The following CACNA2D4 variants were observed in gnomAD, a reference collection of about 807,000 sequenced individuals.
CACNA2D4 encodes the protein calcium voltage-gated channel auxiliary subunit alpha2delta 4, also known as voltage-dependent calcium channel subunit alpha-2/delta-4.
In CACNA2D4, 157 loss-of-function variants were observed where a neutral mutation model predicts 163.8. That is an observed-to-expected ratio of 0.96 (90% CI 0.84 to 1.09). The LOEUF is 1.09. Among genes scored for constraint, CACNA2D4 ranks in the 50% least tolerant of loss-of-function variants. The pLI is 0.00. For synonymous variants in CACNA2D4, 598 were observed against 586.9 expected, an observed-to-expected ratio of 1.02 and a Z score of -0.27; for missense variants, 1,410 against 1,479.9, an observed-to-expected ratio of 0.95 and a Z score of 0.78.
At chr12:1,831,241 A>G (rs1243429814) in intron 26 of CACNA2D4, 7 of 1,613,838 alleles carry the variant, frequency 4.3e-6, no homozygotes, top group Non-Finnish European at 5.9e-6. Context: ...CAGCTGCGCA[A>G]TAACAGCATC....
At chr12:1,848,089 T>C (rs1293407935) in intron 23 of CACNA2D4, among the ~76,000 whole-genome samples, 1 of 152,226 alleles carries the variant, frequency 6.6e-6, no homozygotes, top group Non-Finnish European at 1.5e-5. Flanking sequence ...ACCTAAAGTG[T>C]GTGATTCAAT....
chr12:1,847,077 C>G (rs1319115907), intron 23 of CACNA2D4, among the ~76,000 whole-genome samples: 1 of 152,234 alleles, frequency 6.6e-6, no homozygotes, highest in Non-Finnish European at 1.5e-5. Flanking sequence ...CAGGCACCTC[C>G]TGGTCTTACA....
Position 1,799,867 on chromosome 12 carries a change from G to T in CACNA2D4, c.2974+133C>A. 8.0e-7 allele frequency: 1 copy of T among 1,253,638 alleles called. No individual in the cohort carries two copies. The highest frequency in any genetic ancestry group is 1.1e-6 in the Non-Finnish European group (1 of 883,476). 77.7% of individuals were successfully genotyped at this position (1,253,638 alleles called of 1,614,324 possible). Reference sequence around the variant, plus strand: ...GATGTGATGAGAGAAGGCCACGCAGGGTGAGATGTGAACAACGATGCTTCA... The same window carrying T: ...GATGTGATGAGAGAAGGCCACGCAGTGTGAGATGTGAACAACGATGCTTCA... On this transcript the variant is annotated intron_variant, in intron 33 of 37. Coordinates refer to ENST00000382722, the MANE Select transcript of CACNA2D4 (RefSeq NM_172364.5). This position sits in a 1 kb window ranked among gnomAD's most constrained non-coding sequence, Gnocchi z 4.7.
intron 29 of CACNA2D4, among the ~76,000 whole-genome samples, chr12:1,809,887 G>A (rs1350978492): frequency 1.4e-5 from 2 of 145,732 alleles, no homozygotes; most frequent in South Asian, 2.1e-4. Context: ...AAAGGCAGGC[G>A]GGGGTTGGGG....
At chr12:1,831,169 A>G in intron 26 of CACNA2D4, 1 of 1,613,978 alleles carries the variant, frequency 6.2e-7, no homozygotes, top group Non-Finnish European at 8.5e-7. Context: ...GACCTGTCCA[A>G]CAACTTCCTG....
rs540827062 is a variant in CACNA2D4, at chr12:1,904,835, TG to T, written c.781+2604del. 7.9e-5 allele frequency among the ~76,000 whole-genome samples: 12 copies of T among 152,088 alleles called. 1 individual carries two copies. The South Asian group carries it at 2.5e-3, about 31-fold the overall frequency. ...AAGAAGACAGTAATGCAGAAAATGA[TG>T]GACAAAAAAGCTTAAGGCTTATAGA... On this transcript the variant is annotated intron_variant, in intron 6 of 37. Transcript: ENST00000382722.
chr12:1,893,577 G>T (rs1866337244), intron 6 of CACNA2D4, among the ~76,000 whole-genome samples: 1 of 151,858 alleles, frequency 6.6e-6, no homozygotes, highest in African/African-American at 2.4e-5. Context: ...GACTACAATA[G>T]AATAAAACTA....
chr12:1,915,246 G>A (rs1002272085), intron 1 of CACNA2D4: 15 of 702,450 alleles, frequency 2.1e-5, no homozygotes, highest in Admixed American at 8.0e-5. Context: ...CAGGAGACGC[G>A]GAGAACCCTC....
chr12:1,834,893 C>A lies in CACNA2D4; in HGVS notation c.2551+5846G>T. On this transcript the variant is annotated intron_variant, in intron 26 of 37. Transcript: ENST00000382722. This position sits in a 1 kb window ranked among gnomAD's most constrained non-coding sequence, Gnocchi z 7.6. ...TCTCTCCCTGCACTTTCGAGGCTCC[C>A]TGAAAGCCACCGTGCTGGGGGCTCC... 1 of 1,291,002 alleles carries A rather than the reference C, an allele frequency of 7.7e-7. No individual in the cohort carries two copies. The highest frequency in any genetic ancestry group is 1.0e-6 in the Non-Finnish European group (1 of 971,156). The allele number at this position is 1,291,002 out of a possible 1,614,324, so 80.0% of individuals were successfully genotyped here. A position where few individuals can be genotyped will look rare whatever the true frequency, so the allele number is the denominator to read the frequency against.
chr12:1,797,594 G>A (rs1255566237), intron 34 of CACNA2D4, 59 bp from the exon 35 acceptor site: 1 of 1,275,270 alleles, frequency 7.8e-7, no homozygotes, highest in Non-Finnish European at 1.1e-6. Context: ...CGGTGACCTC[G>A]CCTCGGCACT....
chr12:1,908,031 A>G lies in CACNA2D4; in HGVS notation c.493T>C (p.Tyr165His), dbSNP rs1866709972. 6.2e-7 allele frequency: 1 copy of G among 1,612,254 alleles called. No individual in the cohort carries two copies. Among genetic ancestry groups the G allele is most frequent in the Non-Finnish European group, 8.5e-7 (1 of 1,178,604 alleles). Residue 165 changes from tyrosine (Y) to histidine (H), a missense_variant, in exon 5 of 38, where the codon TAT (tyrosine) becomes CAT (histidine). Coordinates refer to ENST00000382722, the MANE Select transcript of CACNA2D4 (RefSeq NM_172364.5). Reference protein sequence around the residue: ...HEFNESLVFDYYNSVLINERD... With the variant: ...HEFNESLVFDHYNSVLINERD... ...TCGTTGATCAGGACCGAGTTGTAAT[A>G]GTCGAACTGGGGTGGACGGGTGAGG...
At chr12:1,894,575 A>G (rs907771767) in intron 6 of CACNA2D4, among the ~76,000 whole-genome samples, 2 of 152,084 alleles carry the variant, frequency 1.3e-5, no homozygotes, top group East Asian at 3.8e-4. Context: ...GGATGCAAGG[A>G]TGGTTCAACA....
intron 6 of CACNA2D4, 59 bp from the exon 7 acceptor site, chr12:1,887,128 G>T: frequency 8.2e-7 from 1 of 1,224,886 alleles, no homozygotes; most frequent in Non-Finnish European, 1.2e-6. Flanking sequence ...AGATCCCCTG[G>T]CTGGGTGTGG....
Position 1,834,631 on chromosome 12 carries a change from G to A in CACNA2D4, c.2551+6108C>T. On this transcript the variant is annotated intron_variant, in intron 26 of 37. Transcript: ENST00000382722. The surrounding 1 kb of genome is among the most constrained non-coding windows in gnomAD (Gnocchi z 7.6). ...GCATCTACGCCTCCCTCATGGCCAA[G>A]TACCACCGGGAGCTCAAAAAGCGCC... 5 of 1,600,282 alleles carry A rather than the reference G, an allele frequency of 3.1e-6. No individual in the cohort carries two copies. The highest frequency in any genetic ancestry group is 3.4e-6 in the Non-Finnish European group (4 of 1,179,886).
In CACNA2D4 at chr12:1,875,280, C is replaced by T. The variant is rs367691073; in HGVS notation, c.1777G>A (p.Glu593Lys). The T allele has an allele frequency of 2.5e-5, 40 of 1,611,952 alleles. No homozygotes were observed. Among genetic ancestry groups the T allele is most frequent in the African/African-American group, 6.7e-5 (5 of 74,506 alleles). The stretch of plus-strand genomic sequence containing the variant: ...TCAGCCTGGTCTTCCCACTCCACTT[C>T]GGAGAGATCCACACTGTTGTAGTTA... ...KPNYNSVDLSEVEWEDQAESL... is the reference protein window; with the variant it reads ...KPNYNSVDLSKVEWEDQAESL... Residue 593 changes from glutamate (E) to lysine (K), a missense_variant, in exon 17 of 38, where the codon GAA becomes AAA. By Grantham distance (56) the Glu-to-Lys change is moderately conservative. Transcript: ENST00000382722. This position sits in a 1 kb window ranked among gnomAD's most constrained non-coding sequence, Gnocchi z 4.0.
intron 27 of CACNA2D4, 52 bp downstream of exon 27, chr12:1,811,610 C>T: frequency 6.5e-7 from 1 of 1,529,516 alleles, no homozygotes; most frequent in African/African-American, 1.4e-5. Flanking sequence ...GTCTCACACC[C>T]AGGGGAGCGT....
chr12:1,868,747 A>T (rs1865708419), intron 18 of CACNA2D4, among the ~76,000 whole-genome samples: 1 of 152,154 alleles, frequency 6.6e-6, no homozygotes. Context: ...TGGTCCTCCC[A>T]TATCCACAGG....
intron 26 of CACNA2D4, among the ~76,000 whole-genome samples, chr12:1,826,116 C>T (rs932802610): frequency 7.9e-5 from 12 of 152,068 alleles, no homozygotes; most frequent in African/African-American, 7.2e-5. Context: ...GAAAGAAAGC[C>T]GTCACAATAG....
intron 12 of CACNA2D4, 47 bp downstream of exon 12, chr12:1,884,196 C>T: frequency 2.6e-6 from 4 of 1,563,948 alleles, no homozygotes; most frequent in Non-Finnish European, 3.5e-6. Flanking sequence ...ACCCTGTCTC[C>T]TGTGCTCAGG....
Sources: allele counts gnomAD v4.1 joint callset (sites outside exome capture counted in the v4.1 genomes callset), GRCh38; gene constraint gnomAD v4.1.1; non-coding constraint Gnocchi (gnomAD v3.1); transcripts MANE v1.5; gene names NCBI Gene and HGNC (gene_info 2026-07-23, HGNC 2026-07-21).